Variants in VENTX observed in about 807,000 individuals in gnomAD.
VENTX encodes the protein homeobox protein VENTX.
Under a neutral mutation model 10.5 loss-of-function variants are expected in VENTX, and 13 were observed. The ratio of observed to expected loss-of-function variants is 1.23; its 90% CI spans 0.80 to 1.96. The LOEUF is 1.96. Ranked by LOEUF, VENTX falls within the 30% of genes most tolerant of loss-of-function variation. The probability of loss-of-function intolerance (pLI) is 0.00; values close to 1 mark genes in which losing one functional copy is unlikely to be tolerated. For missense variants in VENTX, 400 were observed against 341.8 expected (o/e 1.17, Z -1.34); for synonymous variants, 177 against 150.4 (o/e 1.18, Z -1.29).
At chr10:133,239,084 A>G (rs540587577) in intron 1 of VENTX, among the ~76,000 whole-genome samples, 2 of 152,238 alleles carry the variant, frequency 1.3e-5, no homozygotes, top group Non-Finnish European at 2.9e-5. Context: ...CAGAAACTCC[A>G]GCGAGCATTT....
Position 133,240,460 on chromosome 10 carries a change from A to G in VENTX, c.*154A>G, listed in dbSNP as rs1464270804. ...TACTGGAGAATATATATAAATATAT[A>G]TATGTACGTATATATGTAAATACAC... On this transcript the variant is annotated 3_prime_UTR_variant, in exon 3 of 3. Coordinates refer to ENST00000325980, the MANE Select transcript of VENTX (RefSeq NM_014468.4). 3.7e-6 allele frequency: 2 copies of G among 543,094 alleles called. No homozygotes were observed. Among genetic ancestry groups the G allele is most frequent in the Non-Finnish European group, 5.6e-6 (2 of 359,838 alleles). The allele number at this position is 543,094 out of a possible 1,614,324, so 33.6% of individuals were successfully genotyped here. A position where few individuals can be genotyped will look rare whatever the true frequency, so the allele number is the denominator to read the frequency against.
At position 133,240,462 on chromosome 10, in the gene VENTX, A is replaced by ATTC; in HGVS notation, c.*157_*158insTCT. ...CTGGAGAATATATATAAATATATAT[A>ATTC]TGTACGTATATATGTAAATACACAT... On this transcript the variant is annotated 3_prime_UTR_variant, in exon 3 of 3. Transcript: ENST00000325980. The ATTC allele has an allele frequency of 7.4e-6, 4 of 538,600 alleles. No homozygotes were observed. The highest frequency in any genetic ancestry group is 2.0e-5 in the African/African-American group (1 of 50,116). 33.4% of individuals were successfully genotyped at this position (538,600 alleles called of 1,614,324 possible). A position where few individuals can be genotyped will look rare whatever the true frequency, so the allele number is the denominator to read the frequency against.
intron 1 of VENTX, among the ~76,000 whole-genome samples, chr10:133,239,235 G>C (rs569008488): frequency 6.6e-6 from 1 of 152,362 alleles, no homozygotes; most frequent in South Asian, 2.1e-4. Context: ...AAACAGACTT[G>C]ACCACAGTGG....
chr10:133,239,306 G>A (rs1845894993), intron 1 of VENTX, among the ~76,000 whole-genome samples: 1 of 152,218 alleles, frequency 6.6e-6, no homozygotes. Context: ...GGACAGGGAT[G>A]GGTGCCCCTG....
In VENTX at chr10:133,239,669, A is replaced by G. The variant is rs1181985634; in HGVS notation, c.242-7A>G. Reference sequence around the variant, plus strand: ...GTTGAGCCAAATGCCCTTACCCTCTATGTCAGGGTTGAGTAAGGAGCCAAA... The same window carrying G: ...GTTGAGCCAAATGCCCTTACCCTCTGTGTCAGGGTTGAGTAAGGAGCCAAA... On this transcript the variant is annotated splice_polypyrimidine_tract_variant and splice_region_variant and intron_variant, in intron 1 of 2. Coordinates refer to ENST00000325980, the MANE Select transcript of VENTX (RefSeq NM_014468.4). 3.1e-6 allele frequency: 5 copies of G among 1,610,798 alleles called. No homozygotes were observed. The highest frequency in any genetic ancestry group is 2.7e-5 in the African/African-American group (2 of 74,834).
chr10:133,239,340 A>C (rs1845895461), intron 1 of VENTX, among the ~76,000 whole-genome samples: 1 of 152,198 alleles, frequency 6.6e-6, no homozygotes, highest in Non-Finnish European at 1.5e-5. Context: ...GCCTTTGCAT[A>C]TAATGGATTC....
At position 133,240,267 on chromosome 10, in the gene VENTX, G is replaced by A; in HGVS notation, c.738G>A (p.Arg246=). The change falls in exon 3 of 3, where the codon CGG becomes CGA. Residue 246 remains arginine, a synonymous_variant. Transcript: ENST00000325980. The part of the protein sequence containing the change: ...SLGPALSTGP[R]GLCAMPQTGD... ...GACCAGCCCTGTCCACGGGGCCCCGGGGCCTGTGTGCTATGCCACAGACGG... is the reference window on the plus strand; with the variant it reads ...GACCAGCCCTGTCCACGGGGCCCCGAGGCCTGTGTGCTATGCCACAGACGG... The A allele has an allele frequency of 2.5e-6, 4 of 1,604,066 alleles. No individual in the cohort carries two copies. Among genetic ancestry groups the A allele is most frequent in the Non-Finnish European group, 3.4e-6 (4 of 1,174,568 alleles).
At chr10:133,239,534 C>A in intron 1 of VENTX, 142 bp from the exon 2 acceptor site, 1 of 986,070 alleles carries the variant, frequency 1.0e-6, no homozygotes, top group Non-Finnish European at 1.5e-6. Context: ...TGGGAGGCGG[C>A]GGGGGTGCTG....
In VENTX at chr10:133,237,883, GCCTGGCCTTCCCTCCGGCCCA is replaced by G. The variant is rs1564909259; in HGVS notation, c.-24_-4del. 1 of 1,550,508 alleles carries G rather than the reference GCCTGGCCTTCCCTCCGGCCCA, an allele frequency of 6.4e-7. No homozygotes were observed. The highest frequency in any genetic ancestry group is 8.7e-7 in the Non-Finnish European group (1 of 1,154,002). ...GTGGATCCTGCGCCTGGCCAGCCCC[GCCTGGCCTTCCCTCCGGCCCA>G]CCTGGCCGCCATGCGCCTCTCCTCC... On this transcript the variant is annotated 5_prime_UTR_variant, in exon 1 of 3. Coordinates refer to ENST00000325980, the MANE Select transcript of VENTX (RefSeq NM_014468.4).
In VENTX at chr10:133,239,698, C is replaced by T; in HGVS notation, c.264C>T (p.Thr88=). The change falls in exon 2 of 3, where the codon ACC becomes ACT. Residue 88 remains threonine (T), a synonymous_variant. Transcript: ENST00000325980. ...CAGGGTTGAGTAAGGAGCCAAATAC[C>T]TTGCGGGCCCCCCGTGTCCGCACAG... ...TMAGLSKEPN[T]LRAPRVRTAF... is the part of the protein sequence containing the mutation. The T allele has an allele frequency of 6.2e-7, 1 of 1,611,126 alleles. No homozygotes were observed. The highest frequency in any genetic ancestry group is 8.5e-7 in the Non-Finnish European group (1 of 1,180,014).
In VENTX at chr10:133,240,970, G is replaced by A. The variant is rs1348262922; in HGVS notation, c.*664G>A. The A allele has an allele frequency of 2.0e-5, 3 of 152,310 alleles. No individual in the cohort carries two copies. Among genetic ancestry groups the A allele is most frequent in the Admixed American group, 2.0e-4 (3 of 15,300 alleles). 9.4% of individuals were successfully genotyped at this position (152,310 alleles called of 1,614,324 possible). ...GGGCTTGTCATGGGTAGGGCTTTCGGCGTACGATAAAAGGATCATTTGTTT... is the reference window on the plus strand; with the variant it reads ...GGGCTTGTCATGGGTAGGGCTTTCGACGTACGATAAAAGGATCATTTGTTT... On this transcript the variant is annotated 3_prime_UTR_variant, in exon 3 of 3. Coordinates refer to ENST00000325980, the MANE Select transcript of VENTX (RefSeq NM_014468.4).
chr10:133,238,471 C>G (rs1355290020), intron 1 of VENTX, among the ~76,000 whole-genome samples: 1 of 152,182 alleles, frequency 6.6e-6, no homozygotes, highest in South Asian at 2.1e-4. Context: ...AAGGGGTCCC[C>G]GTCCGCACCT....
chr10:133,238,500 C>T (rs566545184), intron 1 of VENTX, among the ~76,000 whole-genome samples: 12 of 152,164 alleles, frequency 7.9e-5, no homozygotes, highest in Non-Finnish European at 1.6e-4. Context: ...TGATTCCGGG[C>T]GCTCACTGAA....
intron 1 of VENTX, 102 bp downstream of exon 1, chr10:133,238,257 T>C (rs921583367): frequency 2.6e-5 from 36 of 1,394,236 alleles, no homozygotes; most frequent in Non-Finnish European, 2.9e-5. Context: ...CCCTGCCCAC[T>C]AGGTCAGGGC....
rs780546973 is a variant in VENTX at position 133,237,922 on chromosome 10, TCTC to T, written c.16_18del (p.Ser6del). 6.9e-6 allele frequency: 11 copies of T among 1,589,166 alleles called. No individual in the cohort carries two copies. In the African/African-American group the frequency reaches 8.1e-5, roughly 12 times the overall value. The stretch of plus-strand genomic sequence containing the variant: ...CCGGCCCACCTGGCCGCCATGCGCC[TCTC>T]CTCCTCCCCACCTCGTGGCCCGCAG... On this transcript the variant is annotated inframe_deletion, in exon 1 of 3. Coordinates refer to ENST00000325980, the MANE Select transcript of VENTX (RefSeq NM_014468.4).
chr10:133,241,314 A>G lies in VENTX; in HGVS notation c.*1008A>G, dbSNP rs1346659398. The G allele has an allele frequency of 6.5e-6, 1 of 153,282 alleles. No individual in the cohort carries two copies. The allele number at this position is 153,282 out of a possible 1,614,324, so 9.5% of individuals were successfully genotyped here. ...TGTGCCTGGACTGAAGCTGTCCCGC[A>G]GGTCCCCACCCTCCAACACGTGCTC... On this transcript the variant is annotated 3_prime_UTR_variant, in exon 3 of 3. Transcript: ENST00000325980.
In VENTX at chr10:133,241,272, C is replaced by G. The variant is rs572817805; in HGVS notation, c.*966C>G. 4.6e-5 allele frequency: 7 copies of G among 153,766 alleles called. No homozygotes were observed. The East Asian group carries it at 1.4e-3, about 30-fold the overall frequency. 9.5% of individuals were successfully genotyped at this position (153,766 alleles called of 1,614,324 possible). On this transcript the variant is annotated 3_prime_UTR_variant, in exon 3 of 3. Transcript: ENST00000325980. ...TCTTCTTGGGCCAGGGAAAGCAGGG[C>G]AGCCGGGACCTGCGGCTGTGCCTGG...
chr10:133,240,364 G>A lies in VENTX; in HGVS notation c.*58G>A. On this transcript the variant is annotated 3_prime_UTR_variant, in exon 3 of 3. Transcript: ENST00000325980. The stretch of plus-strand genomic sequence containing the variant: ...TGCTGATCGCACCTGGCTCCTACCT[G>A]GAGGACTCAGTTGTTCTGTTTACAT... The A allele has an allele frequency of 6.6e-7, 1 of 1,512,386 alleles. No homozygotes were observed. The highest frequency in any genetic ancestry group is 2.2e-5 in the Admixed American group (1 of 45,960). 93.7% of individuals were successfully genotyped at this position (1,512,386 alleles called of 1,614,324 possible).
rs1589790086 is a variant in VENTX, at chr10:133,241,530, T to G, written c.*1224T>G. ...TGAAACCTGAGACAAGTGCAATTCC[T>G]TCCATGTCGCCCCAGAGTGCCCAGG... On this transcript the variant is annotated 3_prime_UTR_variant, in exon 3 of 3. Coordinates refer to ENST00000325980, the MANE Select transcript of VENTX (RefSeq NM_014468.4). The G allele has an allele frequency of 6.6e-6, 1 of 152,244 alleles. No homozygotes were observed. The highest frequency in any genetic ancestry group is 6.5e-5 in the Admixed American group (1 of 15,286). 9.4% of individuals were successfully genotyped at this position (152,244 alleles called of 1,614,324 possible). A position where few individuals can be genotyped will look rare whatever the true frequency, so the allele number is the denominator to read the frequency against.
Sources: allele counts gnomAD v4.1 joint callset (sites outside exome capture counted in the v4.1 genomes callset), GRCh38; gene constraint gnomAD v4.1.1; transcripts MANE v1.5; gene names NCBI Gene and HGNC (gene_info 2026-07-23, HGNC 2026-07-21).